Variants in THRB observed in about 807,000 individuals in gnomAD.
The protein encoded by THRB is nuclear receptor subfamily 1 group A member 2.
In THRB, 12 loss-of-function variants were observed where a neutral mutation model predicts 47.8. The observed-to-expected ratio is 0.25, with a 90% CI of 0.16 to 0.41. The LOEUF (loss-of-function observed/expected upper bound fraction) is 0.41, where lower values mean the gene tolerates loss of function less well. Among genes scored for constraint, THRB ranks in the 10% least tolerant of loss-of-function variants. The pLI, the probability that THRB is intolerant of heterozygous loss-of-function variation, is 1.00. For missense variants in THRB, 348 were observed against 589.2 expected (o/e 0.59, Z 4.24); for synonymous variants, 218 against 212.2 (o/e 1.03, Z -0.24).
intron 2 of THRB, among the ~76,000 whole-genome samples, chr3:24,333,094 C>T (rs1030456199): frequency 1.3e-5 from 2 of 151,992 alleles, no homozygotes; most frequent in Non-Finnish European, 2.9e-5. Flanking sequence ...AAAACAAAAA[C>T]AAAAACAAAC....
chr3:24,277,320 C>T (rs2054027238), intron 3 of THRB, among the ~76,000 whole-genome samples: 1 of 152,164 alleles, frequency 6.6e-6, no homozygotes, highest in South Asian at 2.1e-4. Flanking sequence ...ATACACAGGA[C>T]ACTCTCTCAC....
chr3:24,248,975 C>T (rs1318459116), intron 3 of THRB, among the ~76,000 whole-genome samples: 2 of 152,146 alleles, frequency 1.3e-5, no homozygotes, highest in African/African-American at 4.8e-5. Context: ...GAACTAAATC[C>T]TTCTGTTTGA....
At chr3:24,272,638 C>T (rs1436448321) in intron 3 of THRB, among the ~76,000 whole-genome samples, 1 of 152,118 alleles carries the variant, frequency 6.6e-6, no homozygotes, top group Non-Finnish European at 1.5e-5. Context: ...TTCTCAAAAC[C>T]ATAGCATGTA....
intron 4 of THRB, among the ~76,000 whole-genome samples, chr3:24,194,073 A>T (rs1426530501): frequency 1.3e-5 from 2 of 152,224 alleles, no homozygotes; most frequent in Non-Finnish European, 2.9e-5. Context: ...GAGCTGGGCT[A>T]TGAGGATGCA....
Position 24,370,377 on chromosome 3 carries a change from G to A in THRB, c.-260-33006C>T, listed in dbSNP as rs116471504. On this transcript the variant is annotated intron_variant, in intron 1 of 10. Transcript: ENST00000646209. ...CTCCCTTACTTCATAGCACCGTGGG[G>A]TCCCCTTTGTGCCCCTCTGTCACTG... 5.0e-3 allele frequency among the ~76,000 whole-genome samples: 756 copies of A among 151,974 alleles called. 8 individuals carry two copies. The highest frequency in any genetic ancestry group is 0.018 in the African/African-American group (737 of 41,514).
At chr3:24,158,360 A>G (rs2038191316) in intron 5 of THRB, among the ~76,000 whole-genome samples, 1 of 150,410 alleles carries the variant, frequency 6.6e-6, no homozygotes, top group African/African-American at 2.5e-5. Context: ...GAAATATTTC[A>G]CATAATTCTT....
chr3:24,478,188 T>A (rs1357239847), intron 1 of THRB, among the ~76,000 whole-genome samples: 1 of 152,068 alleles, frequency 6.6e-6, no homozygotes, highest in Non-Finnish European at 1.5e-5. Flanking sequence ...CAATACTGGG[T>A]TTTTGTACTT....
intron 1 of THRB, among the ~76,000 whole-genome samples, chr3:24,395,993 G>A (rs1180403397): frequency 6.6e-6 from 1 of 152,092 alleles, no homozygotes; most frequent in African/African-American, 2.4e-5. Context: ...TAGAGTGGGA[G>A]AAATGGGGAC....
intron 1 of THRB, among the ~76,000 whole-genome samples, chr3:24,403,093 A>C (rs4331621): frequency 0.38 from 57,423 of 151,886 alleles, 11,295 homozygotes; most frequent in African/African-American, 0.47. Flanking sequence ...AGCTAGATCT[A>C]TACATAACAA....
intron 1 of THRB, among the ~76,000 whole-genome samples, chr3:24,482,613 C>A (rs112114157): frequency 0.015 from 2,313 of 151,552 alleles, 26 homozygotes; most frequent in South Asian, 0.023. Flanking sequence ...CACAGGACCC[C>A]CAGCTTCCAC....
intron 4 of THRB, among the ~76,000 whole-genome samples, chr3:24,218,607 TAGTG>T (rs144442786): frequency 0.034 from 5,102 of 152,218 alleles, 269 homozygotes; most frequent in African/African-American, 0.12. Context: ...TAAATTAAGT[TAGTG>T]AGTATCTACT....
chr3:24,367,204 G>C (rs1236292701), intron 1 of THRB, among the ~76,000 whole-genome samples: 1 of 152,172 alleles, frequency 6.6e-6, no homozygotes, highest in Non-Finnish European at 1.5e-5. Context: ...TAGAAGTAGG[G>C]ACAGAGGTCA....
At chr3:24,385,825 C>T (rs1252730177) in intron 1 of THRB, among the ~76,000 whole-genome samples, 2 of 152,090 alleles carry the variant, frequency 1.3e-5, no homozygotes, top group Non-Finnish European at 2.9e-5. Flanking sequence ...AATCATCACG[C>T]ATGAATCCTG....
chr3:24,145,393 A>C (rs2035954050), intron 7 of THRB, among the ~76,000 whole-genome samples: 1 of 152,186 alleles, frequency 6.6e-6, no homozygotes. Context: ...AGTCTAGATT[A>C]ACACTGAGTT....
chr3:24,253,952 A>AT (rs35878671), intron 3 of THRB, among the ~76,000 whole-genome samples: 3,323 of 141,764 alleles, frequency 0.023, 103 homozygotes, highest in African/African-American at 0.078. Context: ...CCTCAGAACC[A>AT]TTTTTTTTTT....
chr3:24,337,729 C>T (rs1206053421), intron 1 of THRB, among the ~76,000 whole-genome samples: 3 of 152,090 alleles, frequency 2.0e-5, no homozygotes, highest in African/African-American at 7.2e-5. Flanking sequence ...ACTGTTTAGC[C>T]ACTGTGCGTT....
At chr3:24,359,982 A>G (rs2063951602) in intron 1 of THRB, among the ~76,000 whole-genome samples, 1 of 152,172 alleles carries the variant, frequency 6.6e-6, no homozygotes, top group Non-Finnish European at 1.5e-5. Context: ...TTTGAAGATT[A>G]ACTGTGAAAC....
At chr3:24,442,853 C>T (rs921793955) in intron 1 of THRB, among the ~76,000 whole-genome samples, 1 of 149,154 alleles carries the variant, frequency 6.7e-6, no homozygotes, top group African/African-American at 2.5e-5. Context: ...AAAACAAAAA[C>T]AGAAAACTAA....
chr3:24,294,325 C>T (rs1026962505), intron 3 of THRB, among the ~76,000 whole-genome samples: 1 of 152,160 alleles, frequency 6.6e-6, no homozygotes, highest in Non-Finnish European at 1.5e-5. Context: ...TTGCTGAGCC[C>T]AGCCCAGACT....
Sources: allele counts gnomAD v4.1 joint callset (sites outside exome capture counted in the v4.1 genomes callset), GRCh38; gene constraint gnomAD v4.1.1; transcripts MANE v1.5; gene names NCBI Gene and HGNC (gene_info 2026-07-23, HGNC 2026-07-21).